ZFPM2: variants seen among roughly 807,000 people sequenced by gnomAD.
ZFPM2 encodes zinc finger protein ZFPM2.
ZFPM2 carries 20 observed loss-of-function variants against 98.6 expected under a neutral mutation model. That is an observed-to-expected ratio of 0.20 (90% CI 0.14 to 0.29). The LOEUF (loss-of-function observed/expected upper bound fraction) is 0.29, where lower values mean the gene tolerates loss of function less well. Among genes scored for constraint, ZFPM2 ranks in the 10% least tolerant of loss-of-function variants. The probability of loss-of-function intolerance (pLI) is 1.00; values close to 1 mark genes in which losing one functional copy is unlikely to be tolerated. For synonymous variants in ZFPM2, 518 were observed against 502.7 expected (o/e 1.03, Z -0.41); for missense variants, 1,310 against 1,388.6 (o/e 0.94, Z 0.90).
intron 5 of ZFPM2, among the ~76,000 whole-genome samples, chr8:105,670,430 A>G (rs1214169305): frequency 1.5e-5 from 2 of 136,920 alleles, no homozygotes; most frequent in East Asian, 4.7e-4. Flanking sequence ...CGGGAGGCGG[A>G]GCTTGCAGTG....
rs1563546914 is a variant in ZFPM2, at chr8:105,746,654, A to ATTTTTTTTTTTTTTTTTT, written c.533-42064_533-42063insTTTTTTTTTTTTTTTTTT. On this transcript the variant is annotated intron_variant, in intron 5 of 7. Transcript: ENST00000407775. ...TGCGTTTTCTTGTTCTGTTTTTAAA[A>ATTTTTTTTTTTTTTTTTT]ATTTTTTTTTTTTTTTTTTTTTTGG... Among the ~76,000 whole-genome samples, 8 of 112,048 alleles carry ATTTTTTTTTTTTTTTTTT rather than the reference A, an allele frequency of 7.1e-5. 2 individuals are homozygous for ATTTTTTTTTTTTTTTTTT. Among genetic ancestry groups the ATTTTTTTTTTTTTTTTTT allele is most frequent in the Non-Finnish European group, 7.4e-5 (4 of 54,000 alleles). 73.5% of individuals were successfully genotyped at this position (112,048 alleles called of 152,430 possible).
chr8:105,738,599 T>C (rs1411715753), intron 5 of ZFPM2, among the ~76,000 whole-genome samples: 1 of 152,096 alleles, frequency 6.6e-6, no homozygotes, highest in Non-Finnish European at 1.5e-5. Flanking sequence ...ATCATCACAC[T>C]GTTTTCTGCA....
chr8:105,427,082 G>A (rs1410311810), intron 2 of ZFPM2, among the ~76,000 whole-genome samples: 1 of 152,118 alleles, frequency 6.6e-6, no homozygotes, highest in Admixed American at 6.5e-5. Flanking sequence ...GTTTTTGTTT[G>A]GAATGAGATT....
chr8:105,692,354 A>G, intron 5 of ZFPM2, among the ~76,000 whole-genome samples: 1 of 152,184 alleles, frequency 6.6e-6, no homozygotes. Context: ...GATTATGCAA[A>G]TAATTTAAAC....
At chr8:105,319,115 C>A in intron 1 of ZFPM2, 134 bp downstream of exon 1, 1 of 1,082,536 alleles carries the variant, frequency 9.2e-7, no homozygotes, top group South Asian at 2.4e-5. Flanking sequence ...TCAAACTTTG[C>A]CTGAGCAGTC....
intron 5 of ZFPM2, among the ~76,000 whole-genome samples, chr8:105,697,220 T>G (rs1811037688): frequency 6.6e-6 from 1 of 152,188 alleles, no homozygotes. Flanking sequence ...CAGTCCATAA[T>G]GAAGGTTAGA....
intron 1 of ZFPM2, among the ~76,000 whole-genome samples, chr8:105,359,285 A>G (rs2129750522): frequency 6.6e-6 from 1 of 152,014 alleles, no homozygotes; most frequent in East Asian, 1.9e-4. Flanking sequence ...CCAGCCATGC[A>G]GAACTGTGAG....
chr8:105,422,625 T>A (rs1269323063), intron 2 of ZFPM2, among the ~76,000 whole-genome samples: 1 of 152,124 alleles, frequency 6.6e-6, no homozygotes, highest in Non-Finnish European at 1.5e-5. Flanking sequence ...ACCTAGTTAA[T>A]TATATGGGTC....
chr8:105,375,866 T>G (rs1810715204), intron 1 of ZFPM2, among the ~76,000 whole-genome samples: 1 of 152,142 alleles, frequency 6.6e-6, no homozygotes, highest in African/African-American at 2.4e-5. Context: ...TTCTGCAACA[T>G]TTCCCTGTAA....
intron 4 of ZFPM2, among the ~76,000 whole-genome samples, chr8:105,579,727 G>A (rs554642462): frequency 3.0e-4 from 45 of 152,238 alleles, no homozygotes; most frequent in African/African-American, 9.9e-4. Context: ...TTCTCTTTGC[G>A]TAAATCCCCT....
intron 1 of ZFPM2, chr8:105,418,636 A>G (rs767411235): frequency 7.7e-6 from 4 of 517,998 alleles, no homozygotes; most frequent in Non-Finnish European, 1.5e-5. Flanking sequence ...TCAAACACAT[A>G]TAATGAAATC....
chr8:105,522,778 A>G (rs1334465193), intron 3 of ZFPM2, among the ~76,000 whole-genome samples: 1 of 152,074 alleles, frequency 6.6e-6, no homozygotes, highest in African/African-American at 2.4e-5. Context: ...ATATTTTTGT[A>G]TAGAGTTCCG....
At position 105,802,860 on chromosome 8, in the gene ZFPM2, C is replaced by T. The variant is rs769197775; in HGVS notation, c.2778C>T (p.Ser926=). The part of the protein sequence containing the change: ...CEKNGNLKQP[S]PNGNLFSSHL... ...AAAATGGGAATTTGAAGCAGCCTTC[C>T]CCCAATGGAAACTTATTTTCATCCC... The change falls in exon 8 of 8, where the codon TCC becomes TCT. Residue 926 remains serine, a synonymous_variant. Coordinates refer to ENST00000407775, the MANE Select transcript of ZFPM2 (RefSeq NM_012082.4). 3 of 1,613,580 alleles carry T rather than the reference C, an allele frequency of 1.9e-6. No individual in the cohort carries two copies. Among genetic ancestry groups the T allele is most frequent in the Non-Finnish European group, 2.5e-6 (3 of 1,179,820 alleles).
chr8:105,459,745 T>C (rs1812668906), intron 3 of ZFPM2, among the ~76,000 whole-genome samples: 1 of 152,148 alleles, frequency 6.6e-6, no homozygotes, highest in Non-Finnish European at 1.5e-5. Flanking sequence ...CTTAGAGTCC[T>C]CTCCTTATGA....
At chr8:105,560,554 C>G (rs1432440326) in intron 3 of ZFPM2, among the ~76,000 whole-genome samples, 1 of 148,122 alleles carries the variant, frequency 6.8e-6, no homozygotes, top group Non-Finnish European at 1.5e-5. Flanking sequence ...CTATCCCAAA[C>G]AACATTTAAG....
intron 3 of ZFPM2, among the ~76,000 whole-genome samples, chr8:105,559,945 C>G (rs538674648): frequency 6.6e-6 from 1 of 151,992 alleles, no homozygotes; most frequent in Non-Finnish European, 1.5e-5. Flanking sequence ...CGGTGGCTCA[C>G]GCCTGTAATT....
chr8:105,415,035 T>C (rs560553875), intron 1 of ZFPM2: 1 of 152,248 alleles, frequency 6.6e-6, no homozygotes, highest in African/African-American at 2.4e-5. Flanking sequence ...TCCCTTCTTA[T>C]CTTCCACTTT....
intron 3 of ZFPM2, among the ~76,000 whole-genome samples, chr8:105,547,976 T>A (rs187281119): frequency 1.4e-3 from 211 of 151,780 alleles, no homozygotes; most frequent in Non-Finnish European, 2.3e-3. Context: ...TTTAACCATG[T>A]GAAGTTTTGG....
At chr8:105,684,736 AAC>A (rs1810692736) in intron 5 of ZFPM2, among the ~76,000 whole-genome samples, 2 of 152,094 alleles carry the variant, frequency 1.3e-5, no homozygotes, top group Admixed American at 1.3e-4. Context: ...CTTCTCAACT[AAC>A]AGTTTCCTCA....
Sources: gnomAD v4.1 joint callset for allele counts (sites outside exome capture counted in the v4.1 genomes callset) on GRCh38, gnomAD v4.1.1 for gene constraint, MANE v1.5 for transcripts, NCBI Gene and HGNC (gene_info 2026-07-23, HGNC 2026-07-21) for gene names.